The following LMBRD1 variants were observed in gnomAD, a reference collection of about 807,000 sequenced individuals.
The protein encoded by LMBRD1 is lysosomal cobalamin transport escort protein LMBD1.
LMBRD1 carries 64 observed loss-of-function variants against 74.8 expected under a neutral mutation model. That is an observed-to-expected ratio of 0.86 (90% CI 0.70 to 1.05). The LOEUF (loss-of-function observed/expected upper bound fraction) is 1.05, where lower values mean the gene tolerates loss of function less well. Among genes scored for constraint, LMBRD1 ranks in the 50% least tolerant of loss-of-function variants. LMBRD1 has a pLI of 0.00. For synonymous variants in LMBRD1, 204 were observed against 216.3 expected (o/e 0.94, Z 0.50); for missense variants, 652 against 645.9 (o/e 1.01, Z -0.10).
chr6:69,770,097 T>C (rs1170330321), intron 3 of LMBRD1, among the ~76,000 whole-genome samples: 1 of 152,198 alleles, frequency 6.6e-6, no homozygotes, highest in African/African-American at 2.4e-5. Flanking sequence ...GCCAGACATA[T>C]GCTTGTCCCA....
chr6:69,724,345 A>AT (rs1223452433), intron 7 of LMBRD1, among the ~76,000 whole-genome samples: 3 of 37,168 alleles, frequency 8.1e-5, no homozygotes, highest in Non-Finnish European at 1.4e-4. Context: ...CCAAAGACAC[A>AT]TTTAAAAAAA....
At chr6:69,737,095 T>A (rs1766992902) in intron 7 of LMBRD1, among the ~76,000 whole-genome samples, 1 of 152,132 alleles carries the variant, frequency 6.6e-6, no homozygotes, top group African/African-American at 2.4e-5. Flanking sequence ...GCTCTTACGA[T>A]AATAGCCATT....
intron 1 of LMBRD1, among the ~76,000 whole-genome samples, chr6:69,793,054 A>G (rs1385270097): frequency 6.6e-6 from 1 of 152,260 alleles, no homozygotes; most frequent in Non-Finnish European, 1.5e-5. Context: ...ATAACAAGTT[A>G]TAAGGATTAA....
intron 9 of LMBRD1, among the ~76,000 whole-genome samples, chr6:69,703,455 C>CAAAAA (rs530645065): frequency 8.2e-6 from 1 of 122,674 alleles, no homozygotes; most frequent in African/African-American, 2.9e-5. Flanking sequence ...TCCATTTTGG[C>CAAAAA]AAAAAAAAAA....
intron 14 of LMBRD1, among the ~76,000 whole-genome samples, chr6:69,688,366 T>G (rs1312447269): frequency 6.6e-6 from 1 of 151,876 alleles, no homozygotes; most frequent in Non-Finnish European, 1.5e-5. Flanking sequence ...TTGTATTTAT[T>G]TATTTAGCTC....
At chr6:69,695,758 G>A (rs891743186) in intron 14 of LMBRD1, among the ~76,000 whole-genome samples, 9 of 151,620 alleles carry the variant, frequency 5.9e-5, no homozygotes, top group African/African-American at 1.9e-4. Context: ...ATACCCAACT[G>A]CTTATGAGAC....
At chr6:69,736,801 T>G (rs532150086) in intron 7 of LMBRD1, among the ~76,000 whole-genome samples, 1 of 152,182 alleles carries the variant, frequency 6.6e-6, no homozygotes, top group African/African-American at 2.4e-5. Flanking sequence ...CACAGAATAA[T>G]AGCAGTTAAA....
intron 3 of LMBRD1, among the ~76,000 whole-genome samples, chr6:69,762,031 T>C (rs1055907946): frequency 3.3e-5 from 5 of 152,204 alleles, no homozygotes; most frequent in African/African-American, 9.6e-5. Flanking sequence ...AAAGCAGTCA[T>C]AGACAACACA....
chr6:69,774,819 G>A (rs534873968), intron 3 of LMBRD1, among the ~76,000 whole-genome samples: 1 of 151,996 alleles, frequency 6.6e-6, no homozygotes, highest in Admixed American at 6.6e-5. Flanking sequence ...TAGGCTGAGT[G>A]TGGTGGCTTA....
At chr6:69,696,779 A>G (rs764721718) in intron 14 of LMBRD1, among the ~76,000 whole-genome samples, 1 of 152,142 alleles carries the variant, frequency 6.6e-6, no homozygotes, top group Non-Finnish European at 1.5e-5. Flanking sequence ...ATTACATTAC[A>G]TAGTTGACCC....
chr6:69,679,211 G>T (rs749836389), intron 14 of LMBRD1, among the ~76,000 whole-genome samples: 5 of 152,074 alleles, frequency 3.3e-5, no homozygotes, highest in Non-Finnish European at 5.9e-5. Flanking sequence ...AGTCTAGAAT[G>T]AATATTCACA....
chr6:69,777,985 G>A lies in LMBRD1; in HGVS notation c.307+2509C>T, dbSNP rs75791365. On this transcript the variant is annotated intron_variant, in intron 3 of 15. Transcript: ENST00000649934. The stretch of plus-strand genomic sequence containing the variant: ...GAGCTTCAGGATAGTAACTACCTTC[G>A]AAGCTACGGAATCCTTTCAGGGTCC... Among the ~76,000 whole-genome samples, 1,076 of 152,308 alleles carry A rather than the reference G, an allele frequency of 7.1e-3. 23 individuals are homozygous for A. The East Asian group carries it at 0.079, about 11-fold the overall frequency.
chr6:69,708,400 A>G (rs1307126461), intron 9 of LMBRD1, among the ~76,000 whole-genome samples: 3 of 152,208 alleles, frequency 2.0e-5, no homozygotes, highest in Non-Finnish European at 2.9e-5. Flanking sequence ...GTTTACATCA[A>G]AAGGAACTGC....
At chr6:69,704,314 T>C (rs1766200899) in intron 9 of LMBRD1, among the ~76,000 whole-genome samples, 1 of 152,118 alleles carries the variant, frequency 6.6e-6, no homozygotes, top group Non-Finnish European at 1.5e-5. Flanking sequence ...ATTTGTCAAA[T>C]GCTGGTTTTC....
chr6:69,763,478 G>C (rs915083658), intron 3 of LMBRD1, among the ~76,000 whole-genome samples: 4 of 152,202 alleles, frequency 2.6e-5, no homozygotes, highest in African/African-American at 9.7e-5. Context: ...AAGGTTGATA[G>C]GCTTCTTGGA....
intron 3 of LMBRD1, among the ~76,000 whole-genome samples, chr6:69,769,649 G>T (rs1463112948): frequency 6.6e-6 from 1 of 151,266 alleles, no homozygotes; most frequent in African/African-American, 2.4e-5. Context: ...TAATTCCTTT[G>T]TTCACTTATT....
chr6:69,703,907 C>A (rs1388865937), intron 9 of LMBRD1, among the ~76,000 whole-genome samples: 2 of 152,048 alleles, frequency 1.3e-5, no homozygotes, highest in African/African-American at 2.4e-5. Flanking sequence ...TGAACGAGGT[C>A]TTTCATAACC....
intron 7 of LMBRD1, among the ~76,000 whole-genome samples, chr6:69,722,158 T>C (rs896393070): frequency 7.9e-5 from 12 of 152,088 alleles, no homozygotes; most frequent in Non-Finnish European, 2.9e-5. Flanking sequence ...GTGCTGAAGA[T>C]AGAAAAATTT....
intron 7 of LMBRD1, among the ~76,000 whole-genome samples, chr6:69,721,819 A>C (rs1766621566): frequency 6.6e-6 from 1 of 152,200 alleles, no homozygotes. Flanking sequence ...CCTGTCCAGA[A>C]GGGAGCCCAT....
Sources: allele counts gnomAD v4.1 joint callset (sites outside exome capture counted in the v4.1 genomes callset), GRCh38; gene constraint gnomAD v4.1.1; transcripts MANE v1.5; gene names NCBI Gene and HGNC (gene_info 2026-07-23, HGNC 2026-07-21).